NAA11: variants seen among roughly 807,000 people sequenced by gnomAD.
The protein encoded by NAA11 is N-alpha-acetyltransferase 11.
In NAA11, 15 loss-of-function variants were observed where a neutral mutation model predicts 16.1. The observed-to-expected ratio is 0.93, with a 90% CI of 0.62 to 1.44. The LOEUF (loss-of-function observed/expected upper bound fraction) is 1.44. Among genes scored for constraint, NAA11 ranks in the 40% most tolerant of loss-of-function variants. The pLI is 0.00. For missense variants in NAA11, 298 were observed against 291.3 expected (o/e 1.02, Z -0.17); for synonymous variants, 122 against 112.4 (o/e 1.09, Z -0.54).
intron 2 of NAA11, among the ~76,000 whole-genome samples, chr4:79,256,663 T>TAAATATATATATATAA (rs1346962531): frequency 6.9e-6 from 1 of 145,402 alleles, no homozygotes; most frequent in African/African-American, 2.6e-5. Flanking sequence ...TATATATATA[T>TAAATATATATATATAA]ATATATTGAC....
At chr4:79,198,344 A>C in the NAA11 span, among the ~76,000 whole-genome samples, 20 of 151,906 alleles carry the variant, frequency 1.3e-4, no homozygotes, top group African/African-American at 4.6e-4. Context: ...TTTAATGCAA[A>C]ATTGTACTTT....
At chr4:79,191,074 G>A in the NAA11 span, among the ~76,000 whole-genome samples, 1 of 152,072 alleles carries the variant, frequency 6.6e-6, no homozygotes, top group East Asian at 1.9e-4. Context: ...ATCTGTCATC[G>A]ATGGGCATTT....
chr4:79,223,234 T>C (rs1246009264), downstream of NAA11, among the ~76,000 whole-genome samples: 1 of 148,314 alleles, frequency 6.7e-6, no homozygotes, highest in Non-Finnish European at 1.5e-5. Context: ...AGCAAAGACT[T>C]GGAACCAACC....
chr4:79,278,802 T>C (rs1006577033), intron 2 of NAA11, among the ~76,000 whole-genome samples: 1 of 152,164 alleles, frequency 6.6e-6, no homozygotes, highest in Non-Finnish European at 1.5e-5. Context: ...TTATAATACA[T>C]GTCTTAGTAC....
chr4:79,221,161 T>A (rs1248420747), downstream of NAA11, among the ~76,000 whole-genome samples: 2 of 151,982 alleles, frequency 1.3e-5, no homozygotes, highest in African/African-American at 4.8e-5. Context: ...TCACTCATGA[T>A]GTGGCTCTCT....
intron 2 of NAA11, among the ~76,000 whole-genome samples, chr4:79,277,263 C>T (rs545392060): frequency 3.9e-5 from 6 of 152,134 alleles, no homozygotes; most frequent in African/African-American, 1.4e-4. Context: ...TTATTTCCCT[C>T]GCAGCCGTTA....
At chr4:79,156,863 T>G in the NAA11 span, among the ~76,000 whole-genome samples, 3 of 152,272 alleles carry the variant, frequency 2.0e-5, no homozygotes, top group East Asian at 5.8e-4. Flanking sequence ...GACTACTGAT[T>G]TTTCACAACT....
chr4:79,304,770 C>T (rs1027508251), intron 1 of NAA11, among the ~76,000 whole-genome samples: 4 of 152,030 alleles, frequency 2.6e-5, no homozygotes, highest in African/African-American at 7.3e-5. Context: ...TAGGTAATGA[C>T]GGTGGGGGTG....
At chr4:79,162,622 A>G in the NAA11 span, among the ~76,000 whole-genome samples, 4 of 152,214 alleles carry the variant, frequency 2.6e-5, no homozygotes, top group Admixed American at 6.5e-5. Context: ...GTCACAGTCT[A>G]TGGCACCTTT....
Position 79,272,559 on chromosome 4 carries a change from CCCTTA to C in NAA11, c.*122+21441_*122+21445del, listed in dbSNP as rs967109477. The stretch of plus-strand genomic sequence containing the variant: ...GAAAAGGAGTAAGGTGCATTATAAG[CCCTTA>C]ACTTTTGTCTTTTTGTTTCTTTTGA... On this transcript the variant is annotated intron_variant and NMD_transcript_variant, in intron 2 of 2. Coordinates refer to the NAA11 transcript ENST00000511542. 2.7e-3 allele frequency among the ~76,000 whole-genome samples: 412 copies of C among 152,002 alleles called. 5 individuals are homozygous for C. The highest frequency in any genetic ancestry group is 9.5e-3 in the African/African-American group (396 of 41,466).
At chr4:79,225,261 A>G (rs1721284530), downstream of NAA11, among the ~76,000 whole-genome samples, 1 of 152,016 alleles carries the variant, frequency 6.6e-6, no homozygotes, top group African/African-American at 2.4e-5. Flanking sequence ...TAAGTTTATT[A>G]AAAAGTATGC....
the NAA11 span, among the ~76,000 whole-genome samples, chr4:79,169,814 A>G: frequency 6.6e-6 from 1 of 152,194 alleles, no homozygotes; most frequent in Admixed American, 6.5e-5. Flanking sequence ...TGCTCCCATG[A>G]TCCAATCACT....
the NAA11 span, among the ~76,000 whole-genome samples, chr4:79,203,778 G>A: frequency 6.6e-6 from 1 of 151,650 alleles, no homozygotes. Flanking sequence ...AAATGTATTT[G>A]AAATAGATGT....
intron 2 of NAA11, among the ~76,000 whole-genome samples, chr4:79,234,566 A>G (rs1334962913): frequency 1.3e-5 from 2 of 152,112 alleles, no homozygotes; most frequent in African/African-American, 4.8e-5. Context: ...TTTAGACCAC[A>G]TTGCTTTGCT....
intron 2 of NAA11, among the ~76,000 whole-genome samples, chr4:79,276,037 A>G (rs1415704116): frequency 6.6e-6 from 1 of 152,112 alleles, no homozygotes; most frequent in East Asian, 1.9e-4. Flanking sequence ...ATTGTTGCTA[A>G]AAGTTCTTAC....
At chr4:79,267,133 C>A (rs1158928705) in intron 2 of NAA11, among the ~76,000 whole-genome samples, 1 of 152,148 alleles carries the variant, frequency 6.6e-6, no homozygotes, top group Non-Finnish European at 1.5e-5. Flanking sequence ...ATTTCATAAC[C>A]TTCTTCCTGA....
intron 2 of NAA11, among the ~76,000 whole-genome samples, chr4:79,265,132 C>T (rs1397237518): frequency 6.6e-6 from 1 of 152,096 alleles, no homozygotes; most frequent in Non-Finnish European, 1.5e-5. Context: ...ATCCTCATGC[C>T]TCTCATTTTC....
At chr4:79,210,137 C>G in the NAA11 span, among the ~76,000 whole-genome samples, 1 of 152,112 alleles carries the variant, frequency 6.6e-6, no homozygotes, top group Non-Finnish European at 1.5e-5. Flanking sequence ...GCTGTTGATT[C>G]ACTCGGGTGC....
intron 2 of NAA11, among the ~76,000 whole-genome samples, chr4:79,250,300 G>A (rs556734745): frequency 6.6e-6 from 1 of 152,348 alleles, no homozygotes; most frequent in South Asian, 2.1e-4. Context: ...CTGAAGCCAG[G>A]GAGCCGAGAG....
Sources: allele counts gnomAD v4.1 joint callset (sites outside exome capture counted in the v4.1 genomes callset), GRCh38; gene constraint gnomAD v4.1.1; transcripts MANE v1.5; gene names NCBI Gene and HGNC (gene_info 2026-07-23, HGNC 2026-07-21).